The following TSNARE1 variants were observed in gnomAD, a reference collection of about 807,000 sequenced individuals.
TSNARE1 encodes the protein t-SNARE domain-containing protein 1.
TSNARE1 carries 49 observed loss-of-function variants against 62.0 expected under a neutral mutation model. The observed-to-expected ratio is 0.79, with a 90% CI of 0.63 to 1.00. The LOEUF is 1.00. TSNARE1 is among the 50% of genes least tolerant of loss of function. The pLI is 0.00. For missense variants in TSNARE1, 755 were observed against 700.1 expected (o/e 1.08, Z -0.88); for synonymous variants, 328 against 294.4 (o/e 1.11, Z -1.17).
At chr8:142,244,002 C>T (rs933325795) in intron 12 of TSNARE1, among the ~76,000 whole-genome samples, 5 of 151,882 alleles carry the variant, frequency 3.3e-5, no homozygotes, top group Non-Finnish European at 4.4e-5. Flanking sequence ...CTGGCTAACA[C>T]GGTGAAACCC....
chr8:142,365,186 CA>C (rs1835441817), intron 1 of TSNARE1, among the ~76,000 whole-genome samples: 1 of 152,130 alleles, frequency 6.6e-6, no homozygotes, highest in South Asian at 2.1e-4. Context: ...AGAAGAACAC[CA>C]CTTCCATGAT....
chr8:142,304,082 G>T (rs769514527), intron 9 of TSNARE1, among the ~76,000 whole-genome samples: 1 of 152,242 alleles, frequency 6.6e-6, no homozygotes, highest in African/African-American at 2.4e-5. Context: ...GTAGAAGCTA[G>T]CAGAAGCCTT....
chr8:142,266,784 T>A (rs550498933), intron 12 of TSNARE1, among the ~76,000 whole-genome samples: 18 of 152,320 alleles, frequency 1.2e-4, no homozygotes, highest in African/African-American at 4.1e-4. Context: ...TCCATTTCAC[T>A]GATCCTCCTC....
intron 10 of TSNARE1, among the ~76,000 whole-genome samples, chr8:142,293,509 A>G (rs767110517): frequency 1.3e-5 from 2 of 152,166 alleles, no homozygotes; most frequent in Non-Finnish European, 2.9e-5. Flanking sequence ...AGATAAGTAA[A>G]CCGAGGCTCC....
At chr8:142,296,644 C>T (rs890212038) in intron 10 of TSNARE1, among the ~76,000 whole-genome samples, 7 of 151,986 alleles carry the variant, frequency 4.6e-5, no homozygotes, top group Admixed American at 2.0e-4. Flanking sequence ...CAGAGACTCC[C>T]CGTGGGAGGC....
intron 11 of TSNARE1, among the ~76,000 whole-genome samples, chr8:142,281,339 T>C (rs1419253831): frequency 2.0e-5 from 3 of 151,930 alleles, no homozygotes; most frequent in Admixed American, 6.5e-5. Flanking sequence ...GCAGCAGGTA[T>C]AGACAGGGCG....
intron 4 of TSNARE1, among the ~76,000 whole-genome samples, chr8:142,337,697 C>A (rs1831949271): frequency 6.6e-6 from 1 of 152,210 alleles, no homozygotes; most frequent in Non-Finnish European, 1.5e-5. Context: ...CACCACGGCA[C>A]TCCTGCGACA....
rs1825570937 is a variant in TSNARE1 at position 142,300,646 on chromosome 8, T to G, written c.1132-2A>C. The stretch of plus-strand genomic sequence containing the variant: ...CTCGGCAAACGGGGCCTGGGGACTC[T>G]GCTGATGACAGACAGATCTTGTTAG... On this transcript the variant is annotated splice_acceptor_variant, in intron 9 of 13. Coordinates refer to ENST00000524325, the MANE Select transcript of TSNARE1 (RefSeq NM_145003.5). LOFTEE classifies it high-confidence loss of function. The G allele has an allele frequency of 6.2e-7, 1 of 1,611,998 alleles. No homozygotes were observed. Among genetic ancestry groups the G allele is most frequent in the Non-Finnish European group, 8.5e-7 (1 of 1,179,058 alleles).
intron 9 of TSNARE1, 119 bp from the exon 10 acceptor site, chr8:142,300,763 G>GGACGAACTGGGTCTGAGGC: frequency 1.7e-6 from 2 of 1,212,110 alleles, no homozygotes; most frequent in Non-Finnish European, 2.3e-6. Context: ...CTCTCTGAGG[G>GGACGAACTGGGTCTGAGGC]GACGATCTGG....
chr8:142,344,331 T>G lies in TSNARE1; in HGVS notation c.380A>C (p.Asn127Thr), dbSNP rs765063965. The G allele has an allele frequency of 1.3e-6, 2 of 1,584,862 alleles. No homozygotes were observed. The highest frequency in any genetic ancestry group is 2.3e-5 in the East Asian group (1 of 44,268). Residue 127 changes from asparagine to threonine, a missense_variant, in exon 4 of 14, where the codon AAC (asparagine) becomes ACC (threonine). Coordinates refer to ENST00000524325, the MANE Select transcript of TSNARE1 (RefSeq NM_145003.5). The stretch of plus-strand genomic sequence containing the variant: ...CACCTCGGTCTCCTGCGGGCAGAAG[T>G]TGGGCTTCCTCTTCTTGGCCCGGGT... ...STTRAKKRKP[N>T]FCPQETEVLV...
rs1262419349 is a variant in TSNARE1 at position 142,255,583 on chromosome 8, ACCACCACCACTG to A, written c.1446+19186_1446+19197del. On this transcript the variant is annotated intron_variant, in intron 12 of 13. Coordinates refer to ENST00000524325, the MANE Select transcript of TSNARE1 (RefSeq NM_145003.5). The stretch of plus-strand genomic sequence containing the variant: ...CATCACCACCATCACCATCACCACC[ACCACCACCACTG>A]TCACCATCACCACCACCATCACCAT... Among the ~76,000 whole-genome samples, 4 of 59,618 alleles carry A rather than the reference ACCACCACCACTG, an allele frequency of 6.7e-5. 1 individual carries two copies. The East Asian group carries it at 1.7e-3, about 25-fold the overall frequency. The allele number at this position is 59,618 out of a possible 152,430, so 39.1% of individuals were successfully genotyped here.
At chr8:142,400,351 C>A (rs1310793216) in intron 1 of TSNARE1, among the ~76,000 whole-genome samples, 1 of 151,750 alleles carries the variant, frequency 6.6e-6, no homozygotes, top group Non-Finnish European at 1.5e-5. Flanking sequence ...AAGGCTGAGG[C>A]AGGAAAATCA....
At chr8:142,276,448 C>A in intron 11 of TSNARE1, 1 of 985,444 alleles carries the variant, frequency 1.0e-6, no homozygotes, top group Non-Finnish European at 1.2e-6. Flanking sequence ...GCCCCGCTCA[C>A]GTGCAAAGGA....
intron 12 of TSNARE1, among the ~76,000 whole-genome samples, chr8:142,263,893 C>T (rs1029579110): frequency 6.6e-6 from 1 of 152,128 alleles, no homozygotes; most frequent in Admixed American, 6.6e-5. Flanking sequence ...GACTTTGTAG[C>T]GCCTTCCATT....
chr8:142,282,369 G>A (rs112348231), intron 11 of TSNARE1, among the ~76,000 whole-genome samples: 33 of 152,370 alleles, frequency 2.2e-4, no homozygotes, highest in African/African-American at 7.7e-4. Flanking sequence ...ATCTGTCAAC[G>A]AGCGGAGCAG....
chr8:142,394,899 G>T (rs148604833), intron 1 of TSNARE1, among the ~76,000 whole-genome samples: 1 of 152,172 alleles, frequency 6.6e-6, no homozygotes, highest in Admixed American at 6.5e-5. Flanking sequence ...AGTGAGGTGC[G>T]CTAAGGGTGC....
At chr8:142,244,091 C>A (rs1817780259) in intron 12 of TSNARE1, among the ~76,000 whole-genome samples, 1 of 152,206 alleles carries the variant, frequency 6.6e-6, no homozygotes, top group Admixed American at 6.5e-5. Flanking sequence ...GAAGCTGAGG[C>A]AGGAGAATGG....
At chr8:142,263,451 AC>A (rs1818987647) in intron 12 of TSNARE1, among the ~76,000 whole-genome samples, 1 of 152,186 alleles carries the variant, frequency 6.6e-6, no homozygotes, top group Admixed American at 6.5e-5. Flanking sequence ...CTTTGGGATC[AC>A]CACGGTTTAG....
intron 1 of TSNARE1, among the ~76,000 whole-genome samples, chr8:142,363,896 T>C (rs1022154812): frequency 6.6e-6 from 1 of 152,092 alleles, no homozygotes; most frequent in African/African-American, 2.4e-5. Context: ...AAGACCATAG[T>C]CTCATGTGGA....
Sources: gnomAD v4.1 joint callset for allele counts (sites outside exome capture counted in the v4.1 genomes callset) on GRCh38, gnomAD v4.1.1 for gene constraint, MANE v1.5 for transcripts, NCBI Gene and HGNC (gene_info 2026-07-23, HGNC 2026-07-21) for gene names.